The following MACROD2 variants were observed in gnomAD, a reference collection of about 807,000 sequenced individuals.
The protein encoded by MACROD2 is ADP-ribose glycohydrolase MACROD2.
A neutral mutation model predicts 70.4 loss-of-function variants in MACROD2; 36 were observed. The observed-to-expected ratio is 0.51, with a 90% confidence interval of 0.39 to 0.68. MACROD2 has a LOEUF of 0.68. Among genes scored for constraint, MACROD2 ranks in the 30% least tolerant of loss-of-function variants. The probability of loss-of-function intolerance (pLI) is 0.00; values close to 1 mark genes in which losing one functional copy is unlikely to be tolerated. For missense variants in MACROD2, 496 were observed against 538.4 expected, an observed-to-expected ratio of 0.92 and a Z score of 0.78; for synonymous variants, 172 against 178.8, an observed-to-expected ratio of 0.96 and a Z score of 0.30.
chr20:14,915,119 G>T (rs1017475969), intron 5 of MACROD2, among the ~76,000 whole-genome samples: 2 of 152,152 alleles, frequency 1.3e-5, no homozygotes, highest in African/African-American at 4.8e-5. Flanking sequence ...ATGTGTTGTT[G>T]CAAGAAGTCT....
At chr20:15,677,376 G>A (rs545974550) in intron 8 of MACROD2, among the ~76,000 whole-genome samples, 29 of 152,206 alleles carry the variant, frequency 1.9e-4, no homozygotes, top group South Asian at 6.2e-4. Context: ...TGCGGTGGTG[G>A]GGGGAAGTGG....
chr20:14,467,304 C>T (rs560370236), intron 3 of MACROD2, among the ~76,000 whole-genome samples: 18 of 152,106 alleles, frequency 1.2e-4, no homozygotes, highest in African/African-American at 3.6e-4. Flanking sequence ...TAGCAATGAG[C>T]GAGGTTCCGT....
intron 5 of MACROD2, among the ~76,000 whole-genome samples, chr20:14,951,599 C>G (rs143279177): frequency 6.6e-6 from 1 of 152,066 alleles, no homozygotes; most frequent in Non-Finnish European, 1.5e-5. Flanking sequence ...TGTAGGACTC[C>G]GAGGGCATCA....
rs1207197285 is a variant in MACROD2, at chr20:14,825,073, C to A, written c.418+140114C>A. On this transcript the variant is annotated intron_variant, in intron 5 of 17. Transcript: ENST00000684519. ...TGCACTTTGCAGGGCCTCCAGCTGCCTTTTTAACCACATGGTCCATTGTCA... is the reference window on the plus strand; with the variant it reads ...TGCACTTTGCAGGGCCTCCAGCTGCATTTTTAACCACATGGTCCATTGTCA... Among the ~76,000 whole-genome samples, 2 of 152,020 alleles carry A rather than the reference C, an allele frequency of 1.3e-5. 1 individual carries two copies. Among genetic ancestry groups the A allele is most frequent in the Non-Finnish European group, 2.9e-5 (2 of 67,980 alleles).
intron 5 of MACROD2, among the ~76,000 whole-genome samples, chr20:15,067,435 T>C (rs960626553): frequency 6.6e-6 from 1 of 152,128 alleles, no homozygotes; most frequent in Non-Finnish European, 1.5e-5. Flanking sequence ...CTGCAACCTT[T>C]GTCTCCCAGG....
chr20:14,949,662 T>G (rs1023973384), intron 5 of MACROD2, among the ~76,000 whole-genome samples: 17 of 152,206 alleles, frequency 1.1e-4, no homozygotes, highest in African/African-American at 3.9e-4. Context: ...AAACATGAAC[T>G]GGCTCATTGA....
intron 5 of MACROD2, among the ~76,000 whole-genome samples, chr20:14,737,589 A>G (rs1289352502): frequency 2.6e-5 from 4 of 152,038 alleles, no homozygotes; most frequent in Non-Finnish European, 5.9e-5. Flanking sequence ...AAGCCTTCCT[A>G]TTTCTCCACA....
intron 3 of MACROD2, among the ~76,000 whole-genome samples, chr20:14,196,162 G>T (rs543304708): frequency 6.6e-6 from 1 of 152,166 alleles, no homozygotes; most frequent in Non-Finnish European, 1.5e-5. Flanking sequence ...CTGTGAGGGG[G>T]ACAAGGGAGT....
chr20:15,707,661 T>C (rs2050556048), intron 8 of MACROD2, among the ~76,000 whole-genome samples: 1 of 152,042 alleles, frequency 6.6e-6, no homozygotes, highest in Non-Finnish European at 1.5e-5. Flanking sequence ...CGGGTGCCTG[T>C]AGTCCGAGCT....
At chr20:15,858,476 G>A (rs926357271) in intron 8 of MACROD2, among the ~76,000 whole-genome samples, 5 of 152,070 alleles carry the variant, frequency 3.3e-5, no homozygotes, top group Admixed American at 6.5e-5. Flanking sequence ...TACTTATTCA[G>A]TCTGGGCTTT....
chr20:15,538,422 G>A (rs971587645), intron 8 of MACROD2, among the ~76,000 whole-genome samples: 2 of 152,212 alleles, frequency 1.3e-5, no homozygotes, highest in African/African-American at 4.8e-5. Flanking sequence ...CAAATAGAGG[G>A]TGATTCTATT....
intron 5 of MACROD2, among the ~76,000 whole-genome samples, chr20:14,965,720 G>A (rs1007544098): frequency 4.0e-5 from 6 of 151,180 alleles, no homozygotes; most frequent in African/African-American, 7.3e-5. Context: ...CACCCGTCTC[G>A]GCCTTCCAAA....
In MACROD2 at chr20:15,303,957, G is replaced by A. The variant is rs539559603; in HGVS notation, c.540+73896G>A. 3.3e-5 allele frequency among the ~76,000 whole-genome samples: 5 copies of A among 152,186 alleles called. No homozygotes were observed. In the East Asian group the frequency reaches 9.6e-4, roughly 29 times the overall value. ...CTAGAATGAATCAAGTATTCTAGCAGTTTCCTATAGTATCCCCCAATTTAA... is the reference window on the plus strand; with the variant it reads ...CTAGAATGAATCAAGTATTCTAGCAATTTCCTATAGTATCCCCCAATTTAA... On this transcript the variant is annotated intron_variant, in intron 6 of 17. Transcript: ENST00000684519.
At chr20:15,672,423 G>A (rs1022340386) in intron 8 of MACROD2, among the ~76,000 whole-genome samples, 1 of 150,920 alleles carries the variant, frequency 6.6e-6, no homozygotes, top group South Asian at 2.1e-4. Context: ...TCATTTGATA[G>A]GAAGTTAAGT....
At chr20:15,397,029 G>T (rs1044687361) in intron 6 of MACROD2, among the ~76,000 whole-genome samples, 28 of 152,252 alleles carry the variant, frequency 1.8e-4, no homozygotes, top group African/African-American at 6.3e-4. Flanking sequence ...CTAACAAAAC[G>T]TAGTTAAGGC....
chr20:15,176,459 C>G (rs914640027), intron 5 of MACROD2, among the ~76,000 whole-genome samples: 1 of 152,082 alleles, frequency 6.6e-6, no homozygotes, highest in Non-Finnish European at 1.5e-5. Flanking sequence ...CCCTTATGAG[C>G]CCATAAAAAC....
intron 5 of MACROD2, 136 bp downstream of exon 5, chr20:14,685,095 A>G (rs1674166280): frequency 1.6e-6 from 1 of 620,754 alleles, no homozygotes; most frequent in Non-Finnish European, 2.8e-6. Context: ...GTACATGGTA[A>G]TAAAAACGTG....
intron 5 of MACROD2, among the ~76,000 whole-genome samples, chr20:14,938,228 C>T (rs894956341): frequency 5.9e-5 from 9 of 151,996 alleles, no homozygotes; most frequent in African/African-American, 2.2e-4. Flanking sequence ...ATTACTGAAT[C>T]ACATAGTGGT....
chr20:14,910,013 T>C (rs1327091255), intron 5 of MACROD2, among the ~76,000 whole-genome samples: 4 of 152,212 alleles, frequency 2.6e-5, no homozygotes, highest in African/African-American at 9.6e-5. Context: ...AGCCATATCT[T>C]GCTAATGATA....
Sources: allele counts gnomAD v4.1 joint callset (sites outside exome capture counted in the v4.1 genomes callset), GRCh38; gene constraint gnomAD v4.1.1; transcripts MANE v1.5; gene names NCBI Gene and HGNC (gene_info 2026-07-23, HGNC 2026-07-21).